NR2E1: variants seen among roughly 807,000 people sequenced by gnomAD.
NR2E1 encodes nuclear receptor subfamily 2 group E member 1.
NR2E1 carries 5 observed loss-of-function variants against 43.6 expected under a neutral mutation model. The observed-to-expected ratio is 0.11, with a 90% CI of 0.06 to 0.24. The LOEUF is 0.24. Ranked by LOEUF, NR2E1 falls within the 10% of genes least tolerant of loss-of-function variation. The pLI is 1.00. For synonymous variants in NR2E1, 191 were observed against 195.5 expected, an observed-to-expected ratio of 0.98 and a Z score of 0.19; for missense variants, 287 against 496.7, an observed-to-expected ratio of 0.58 and a Z score of 4.01.
Position 108,187,672 on chromosome 6 carries a change from A to G in NR2E1, c.*209A>G, listed in dbSNP as rs1774097259. The G allele has an allele frequency of 5.3e-6, 3 of 562,774 alleles. No individual in the cohort carries two copies. In the South Asian group the frequency reaches 5.7e-5, roughly 11 times the overall value. 34.9% of individuals were successfully genotyped at this position (562,774 alleles called of 1,614,324 possible). A position where few individuals can be genotyped will look rare whatever the true frequency, so the allele number is the denominator to read the frequency against. ...GGGCGGGTGGGAAGGAGAGGGGTGC[A>G]ACAGGACCGCCTGCACTGAAAACTC... On this transcript the variant is annotated 3_prime_UTR_variant, in exon 9 of 9. Coordinates refer to ENST00000368986, the MANE Select transcript of NR2E1 (RefSeq NM_003269.5).
intron 3 of NR2E1, among the ~76,000 whole-genome samples, chr6:108,175,897 T>C (rs777226585): frequency 7.9e-5 from 12 of 152,202 alleles, no homozygotes; most frequent in Admixed American, 5.2e-4. Flanking sequence ...AAACTGTTGG[T>C]GGTAATTGTC....
At chr6:108,185,788 A>T (rs1431764402) in intron 8 of NR2E1, among the ~76,000 whole-genome samples, 1 of 152,250 alleles carries the variant, frequency 6.6e-6, no homozygotes, top group Non-Finnish European at 1.5e-5. Flanking sequence ...CCAACTAAAG[A>T]ATAAAATAAG....
In NR2E1 at chr6:108,171,612, G is replaced by A. The variant is rs774088884; in HGVS notation, c.171+9G>A. The A allele has an allele frequency of 1.8e-5, 29 of 1,613,846 alleles. No homozygotes were observed. In the African/African-American group the frequency reaches 3.1e-4, roughly 17 times the overall value. On this transcript the variant is annotated intron_variant, in intron 2 of 8. Transcript: ENST00000368986. Reference sequence around the variant, plus strand: ...GCAAATCTGGAAACCAGGTACCTTAGCCAGGGCTGCACTGCTGGGCTCCGC... The same window carrying A: ...GCAAATCTGGAAACCAGGTACCTTAACCAGGGCTGCACTGCTGGGCTCCGC...
intron 1 of NR2E1, chr6:108,168,099 C>A: frequency 6.2e-7 from 1 of 1,604,400 alleles, no homozygotes; most frequent in South Asian, 1.1e-5. Context: ...GGACCCTGGC[C>A]CAGGACTGGG....
chr6:108,177,139 AGAG>A (rs997539114), intron 4 of NR2E1, among the ~76,000 whole-genome samples: 25 of 152,240 alleles, frequency 1.6e-4, no homozygotes, highest in African/African-American at 5.5e-4. Context: ...GTTCATTTTT[AGAG>A]GAGAGGAATT....
chr6:108,180,257 T>G lies in NR2E1; in HGVS notation c.643-66T>G. On this transcript the variant is annotated intron_variant, in intron 5 of 8. Coordinates refer to ENST00000368986, the MANE Select transcript of NR2E1 (RefSeq NM_003269.5). This position sits in a 1 kb window ranked among gnomAD's most constrained non-coding sequence, Gnocchi z 5.4. ...CTTTTTAAAATAATGGAAATTTACA[T>G]AGTGAAATTGTTTATAAATTTATAA... 1 of 1,022,016 alleles carries G rather than the reference T, an allele frequency of 9.8e-7. No individual in the cohort carries two copies. Among genetic ancestry groups the G allele is most frequent in the African/African-American group, 1.6e-5 (1 of 62,220 alleles). The allele number at this position is 1,022,016 out of a possible 1,614,324, so 63.3% of individuals were successfully genotyped here. A position where few individuals can be genotyped will look rare whatever the true frequency, so the allele number is the denominator to read the frequency against.
chr6:108,176,704 A>G lies in NR2E1; in HGVS notation c.461A>G (p.Gln154Arg), dbSNP rs1773905329. 3 of 1,589,664 alleles carry G rather than the reference A, an allele frequency of 1.9e-6. No individual in the cohort carries two copies. The highest frequency in any genetic ancestry group is 1.3e-5 in the African/African-American group (1 of 74,678). The stretch of plus-strand genomic sequence containing the variant: ...GCGGTGTCCACCACTCCAGAGCGGC[A>G]GACCCTCGTGAGCCTGGCTCAGCCC... ...LAAVSTTPER[Q>R]TLVSLAQPTP... is the part of the protein sequence containing the mutation. Residue 154 changes from glutamine (Q) to arginine (R), a missense_variant, in exon 4 of 9, where the codon CAG (glutamine) becomes CGG (arginine). Gln to Arg is a conservative substitution (Grantham distance 43). Transcript: ENST00000368986.
At chr6:108,172,501 T>G (rs754080935) in intron 2 of NR2E1, among the ~76,000 whole-genome samples, 14 of 152,214 alleles carry the variant, frequency 9.2e-5, no homozygotes, top group Non-Finnish European at 1.8e-4. Context: ...AGGCTGATTT[T>G]AACTAAGGAG....
chr6:108,187,214 C>A, intron 8 of NR2E1, 87 bp from the exon 9 acceptor site: 1 of 1,438,254 alleles, frequency 7.0e-7, no homozygotes, highest in Non-Finnish European at 9.8e-7. Context: ...ATCAGCAATG[C>A]TGGAGATGAT....
At chr6:108,171,417 C>T in intron 1 of NR2E1, 41 bp from the exon 2 acceptor site, 1 of 1,611,754 alleles carries the variant, frequency 6.2e-7, no homozygotes, top group Non-Finnish European at 8.5e-7. Flanking sequence ...TCCTTTCCCT[C>T]TCGCCCCTTC....
intron 2 of NR2E1, among the ~76,000 whole-genome samples, chr6:108,172,553 G>A (rs951819891): frequency 1.3e-5 from 2 of 152,158 alleles, no homozygotes; most frequent in African/African-American, 2.4e-5. Flanking sequence ...CCTTATCAGC[G>A]ACTCAGACCC....
chr6:108,168,129 C>T, intron 1 of NR2E1: 1 of 1,600,016 alleles, frequency 6.2e-7, no homozygotes, highest in Admixed American at 1.7e-5. Flanking sequence ...AGGCTCGGGC[C>T]TACCCTGGCC....
At position 108,166,461 on chromosome 6, in the gene NR2E1, C is replaced by G. The variant is rs1773709567; in HGVS notation, c.-305C>G. ...CCCTCTCTTGCTGTTCTTCCTTCTT[C>G]CTCAGTCTTCCTGTCCATCTCTCCA... On this transcript the variant is annotated 5_prime_UTR_variant, in exon 1 of 9. Coordinates refer to ENST00000368986, the MANE Select transcript of NR2E1 (RefSeq NM_003269.5). This position sits in a 1 kb window ranked among gnomAD's most constrained non-coding sequence, Gnocchi z 7.2. 1 of 378,660 alleles carries G rather than the reference C, an allele frequency of 2.6e-6. No individual in the cohort carries two copies. Among genetic ancestry groups the G allele is most frequent in the South Asian group, 6.3e-5 (1 of 15,972 alleles). 23.5% of individuals were successfully genotyped at this position (378,660 alleles called of 1,614,324 possible). A position where few individuals can be genotyped will look rare whatever the true frequency, so the allele number is the denominator to read the frequency against.
chr6:108,167,626 G>T (rs1235868164), intron 1 of NR2E1, among the ~76,000 whole-genome samples: 2 of 152,162 alleles, frequency 1.3e-5, no homozygotes. Context: ...CGCGGTCACG[G>T]TGCTCAGATC....
chr6:108,171,710 G>A (rs771187145), intron 2 of NR2E1, 107 bp downstream of exon 2: 141 of 1,411,972 alleles, frequency 1.0e-4, no homozygotes, highest in Non-Finnish European at 1.3e-4. Context: ...GAGAGACCCG[G>A]CCCTGACCTC....
chr6:108,183,040 G>A (rs1434372366), intron 8 of NR2E1, among the ~76,000 whole-genome samples: 1 of 152,144 alleles, frequency 6.6e-6, no homozygotes, highest in African/African-American at 2.4e-5. Flanking sequence ...CTGTTGTTTG[G>A]CCTTGGTGAC....
intron 2 of NR2E1, among the ~76,000 whole-genome samples, chr6:108,173,490 G>T (rs954266932): frequency 1.3e-5 from 2 of 152,076 alleles, no homozygotes; most frequent in East Asian, 3.8e-4. Flanking sequence ...ATTTAGAAAT[G>T]GATATGAACA....
chr6:108,176,664 G>C lies in NR2E1; in HGVS notation c.421G>C (p.Gly141Arg), dbSNP rs775649242. Residue 141 changes from glycine (G) to arginine (R), a missense_variant, in exon 4 of 9, where the codon GGC becomes CGC. This residue lies in a region of NR2E1 where 119 missense variants were observed against 155.7 expected (regional missense o/e 0.76). Coordinates refer to ENST00000368986, the MANE Select transcript of NR2E1 (RefSeq NM_003269.5). ...CGCGGTCACGCAGCTGGAGCCGCAC[G>C]GCCTGGAGCTGGCCGCGGTGTCCAC... ...FTAVTQLEPH[G>R]LELAAVSTTP... 1 of 1,604,174 alleles carries C rather than the reference G, an allele frequency of 6.2e-7. No individual in the cohort carries two copies. Among genetic ancestry groups the C allele is most frequent in the Non-Finnish European group, 8.5e-7 (1 of 1,177,452 alleles).
intron 3 of NR2E1, among the ~76,000 whole-genome samples, chr6:108,175,738 C>T (rs1410582151): frequency 1.3e-5 from 2 of 152,114 alleles, no homozygotes; most frequent in African/African-American, 4.8e-5. Context: ...GTGAGGCGGC[C>T]CGGGCCGGGT....
Sources: allele counts gnomAD v4.1 joint callset (sites outside exome capture counted in the v4.1 genomes callset), GRCh38; gene constraint gnomAD v4.1.1; regional missense constraint gnomAD v4.1.1; non-coding constraint Gnocchi (gnomAD v3.1); transcripts MANE v1.5; gene names NCBI Gene and HGNC (gene_info 2026-07-23, HGNC 2026-07-21).